The following KIAA2012 variants were observed in gnomAD, a reference collection of about 807,000 sequenced individuals.
KIAA2012 encodes the protein KIAA2012.
A neutral mutation model predicts 150.6 loss-of-function variants in KIAA2012; 125 were observed. The observed-to-expected ratio is 0.83, with a 90% confidence interval of 0.72 to 0.96. The LOEUF (loss-of-function observed/expected upper bound fraction) is 0.96. KIAA2012 is among the 40% of genes least tolerant of loss of function. KIAA2012 has a pLI of 0.00. For missense variants in KIAA2012, 1,219 were observed against 1,354.9 expected, an observed-to-expected ratio of 0.90 and a Z score of 1.57; for synonymous variants, 462 against 504.7, an observed-to-expected ratio of 0.92 and a Z score of 1.13.
intron 5 of KIAA2012, among the ~76,000 whole-genome samples, chr2:202,098,789 C>CGT (rs10536026): frequency 0.41 from 61,037 of 148,306 alleles, 13,877 homozygotes; most frequent in Non-Finnish European, 0.53. Context: ...ACTCTAAGGC[C>CGT]GTGTGTGTGT....
chr2:202,101,031 GC>G (rs1391229250), intron 7 of KIAA2012, among the ~76,000 whole-genome samples: 3 of 152,250 alleles, frequency 2.0e-5, no homozygotes, highest in Non-Finnish European at 4.4e-5. Context: ...ACAAGCAAGG[GC>G]CCCCGGATGT....
chr2:202,077,213 C>A (rs1689345596), intron 2 of KIAA2012: 4 of 363,290 alleles, frequency 1.1e-5, no homozygotes, highest in Non-Finnish European at 2.2e-5. Context: ...GGTCTCCAAT[C>A]ACCTGTACAA....
intron 11 of KIAA2012, chr2:202,114,735 T>A (rs996945270): frequency 1.2e-5 from 2 of 162,850 alleles, no homozygotes; most frequent in African/African-American, 4.8e-5. Flanking sequence ...TTTAAATTTT[T>A]TGAAAAATAT....
At chr2:202,151,288 T>A (rs1691421063) in intron 13 of KIAA2012, among the ~76,000 whole-genome samples, 1 of 152,072 alleles carries the variant, frequency 6.6e-6, no homozygotes, top group African/African-American at 2.4e-5. Flanking sequence ...TCCCAACTAC[T>A]CGGTAGACTA....
At chr2:202,088,033 G>A (rs557807858) in intron 2 of KIAA2012, among the ~76,000 whole-genome samples, 6 of 151,286 alleles carry the variant, frequency 4.0e-5, no homozygotes, top group South Asian at 2.1e-4. Context: ...TATTTATACC[G>A]CATTTACATT....
intron 14 of KIAA2012, among the ~76,000 whole-genome samples, chr2:202,155,392 C>T (rs765103575): frequency 2.6e-5 from 4 of 152,118 alleles, no homozygotes; most frequent in Admixed American, 1.3e-4. Flanking sequence ...ACACAGTGCC[C>T]GACACATGGA....
chr2:202,074,490 G>A (rs1004562753), intron 1 of KIAA2012, among the ~76,000 whole-genome samples: 1 of 152,206 alleles, frequency 6.6e-6, no homozygotes, highest in Non-Finnish European at 1.5e-5. Context: ...ACGTACAGCT[G>A]AAGTGGTGGT....
chr2:202,116,890 G>A (rs1690542439), intron 11 of KIAA2012: 1 of 152,102 alleles, frequency 6.6e-6, no homozygotes, highest in African/African-American at 2.4e-5. Context: ...TACTCACTCT[G>A]GGGAAAGCCA....
chr2:202,073,764 C>T lies in KIAA2012; in HGVS notation c.84+53C>T, dbSNP rs80110617. 6.2e-3 allele frequency: 9,113 copies of T among 1,474,280 alleles called. 441 individuals carry two copies. In the African/African-American group the frequency reaches 0.11, roughly 17 times the overall value. 91.3% of individuals were successfully genotyped at this position (1,474,280 alleles called of 1,614,324 possible). ...ATTTTGGAGGTGGGAGAGGAATGCT[C>T]TATGTTTCCACTTGGGAGGTAAACC... On this transcript the variant is annotated intron_variant, in intron 1 of 23. Coordinates refer to ENST00000498697, the MANE Select transcript of KIAA2012 (RefSeq NM_001277372.4).
At chr2:202,084,837 T>A (rs112810214) in intron 2 of KIAA2012, among the ~76,000 whole-genome samples, 13 of 152,140 alleles carry the variant, frequency 8.5e-5, no homozygotes, top group South Asian at 2.1e-4. Context: ...TTTATTTTTT[T>A]AAAAAAAAGA....
In KIAA2012 at chr2:202,165,316, A is replaced by T. The variant is rs771322217; in HGVS notation, c.2079A>T (p.Glu693Asp). 3.5e-5 allele frequency: 54 copies of T among 1,550,350 alleles called. No individual in the cohort carries two copies. Among genetic ancestry groups the T allele is most frequent in the South Asian group, 1.7e-4 (14 of 84,068 alleles). The change falls in exon 15 of 24, where the codon GAA (glutamate) becomes GAT (aspartate). Residue 693 changes from glutamate (E) to aspartate (D), a missense_variant. By Grantham distance (45) the Glu-to-Asp change is conservative. Coordinates refer to ENST00000498697, the MANE Select transcript of KIAA2012 (RefSeq NM_001277372.4). ...GAAATGCACTGGACTATCAGGAAGA[A>T]GCAGGGAGACCCCTCAGAGAAACTC... is the stretch of plus-strand genomic sequence containing the variant. ...ESGNALDYQEEAGRPLRETHH... is the reference protein window; with the variant it reads ...ESGNALDYQEDAGRPLRETHH...
chr2:202,132,315 T>G (rs1192005731), intron 12 of KIAA2012, among the ~76,000 whole-genome samples: 1 of 152,176 alleles, frequency 6.6e-6, no homozygotes, highest in Non-Finnish European at 1.5e-5. Flanking sequence ...TTGGAAGAGA[T>G]AAGACTAGGG....
At chr2:202,116,247 TTC>T (rs1300765036) in intron 11 of KIAA2012, 1 of 152,172 alleles carries the variant, frequency 6.6e-6, no homozygotes. Flanking sequence ...CTTTCAGAGT[TTC>T]TGTTTAGTAT....
At chr2:202,130,310 T>TTAAAA (rs1308294067) in intron 12 of KIAA2012, among the ~76,000 whole-genome samples, 3 of 152,234 alleles carry the variant, frequency 2.0e-5, no homozygotes, top group Non-Finnish European at 4.4e-5. Flanking sequence ...CTAAGGATTC[T>TTAAAA]TAAAATTCTC....
intron 10 of KIAA2012, among the ~76,000 whole-genome samples, chr2:202,112,434 G>C (rs2105928927): frequency 6.6e-6 from 1 of 152,326 alleles, no homozygotes; most frequent in East Asian, 1.9e-4. Flanking sequence ...ATATAAGTAA[G>C]CGTTTCCCTG....
chr2:202,194,962 G>T (rs1692389217), intron 21 of KIAA2012, among the ~76,000 whole-genome samples: 1 of 151,692 alleles, frequency 6.6e-6, no homozygotes, highest in African/African-American at 2.4e-5. Flanking sequence ...TAAAGATGGG[G>T]TTTCACTATG....
chr2:202,196,003 T>C (rs1692406261), intron 21 of KIAA2012, among the ~76,000 whole-genome samples: 1 of 152,028 alleles, frequency 6.6e-6, no homozygotes, highest in African/African-American at 2.4e-5. Flanking sequence ...GGTGCAAGTA[T>C]CTCCTCAACA....
intron 2 of KIAA2012, among the ~76,000 whole-genome samples, chr2:202,082,405 T>C (rs1338346233): frequency 6.6e-6 from 1 of 152,100 alleles, no homozygotes; most frequent in Admixed American, 6.6e-5. Context: ...TCTTACCAGA[T>C]ACAAATTTAC....
chr2:202,110,657 C>A (rs527602416), intron 10 of KIAA2012, among the ~76,000 whole-genome samples: 5 of 152,272 alleles, frequency 3.3e-5, no homozygotes, highest in African/African-American at 1.2e-4. Context: ...GAGAAGCTCA[C>A]ACTTTGAGAG....
Sources: allele counts gnomAD v4.1 joint callset (sites outside exome capture counted in the v4.1 genomes callset), GRCh38; gene constraint gnomAD v4.1.1; transcripts MANE v1.5; gene names NCBI Gene and HGNC (gene_info 2026-07-23, HGNC 2026-07-21).